The following PPP3R1 variants were observed in gnomAD, a reference collection of about 807,000 sequenced individuals.
The protein encoded by PPP3R1 is calcineurin subunit B type 1.
In PPP3R1, 5 loss-of-function variants were observed where a neutral mutation model predicts 22.6. The observed-to-expected ratio is 0.22, with a 90% confidence interval of 0.12 to 0.46. The LOEUF is 0.46. PPP3R1 is among the 20% of genes least tolerant of loss of function. The pLI is 0.99. For synonymous variants in PPP3R1, 56 were observed against 65.2 expected, an observed-to-expected ratio of 0.86 and a Z score of 0.68; for missense variants, 61 against 203.2, an observed-to-expected ratio of 0.30 and a Z score of 4.25.
At chr2:68,237,919 T>C (rs549065742) in intron 1 of PPP3R1, among the ~76,000 whole-genome samples, 1 of 152,140 alleles carries the variant, frequency 6.6e-6, no homozygotes, top group Non-Finnish European at 1.5e-5. Context: ...TTCATAAATT[T>C]TGAGTTTCCT....
At chr2:68,198,332 CATATATGTACATGTATATGCATAT>C in intron 2 of PPP3R1, among the ~76,000 whole-genome samples, 1 of 65,578 alleles carries the variant, frequency 1.5e-5, no homozygotes, top group South Asian at 5.2e-4. Flanking sequence ...TACATATGTA[CATATATGTACATGTATATGCATAT>C]ATATGTACAT....
chr2:68,181,079 T>TC, intron 5 of PPP3R1, 69 bp from the exon 6 acceptor site: 1 of 1,461,106 alleles, frequency 6.8e-7, no homozygotes, highest in South Asian at 1.2e-5. Context: ...TCTAACTACT[T>TC]CATCAAATTT....
chr2:68,196,867 G>T (rs1266003802), intron 2 of PPP3R1, among the ~76,000 whole-genome samples: 3 of 152,094 alleles, frequency 2.0e-5, no homozygotes, highest in Non-Finnish European at 2.9e-5. Flanking sequence ...TGAGATTACA[G>T]GCGTGCGCCA....
In PPP3R1 at chr2:68,190,017, T is replaced by A. The variant is rs114430833; in HGVS notation, c.44-1327A>T. Among the ~76,000 whole-genome samples the A allele has an allele frequency of 7.8e-3, 1,186 of 151,848 alleles. 18 individuals are homozygous for A. The highest frequency in any genetic ancestry group is 0.027 in the African/African-American group (1,125 of 41,474). The stretch of plus-strand genomic sequence containing the variant: ...ATACAAGCTGTTTTGACAGCTTAAA[T>A]ATATGGCATCCTCACTGTAAGAACT... On this transcript the variant is annotated intron_variant, in intron 2 of 5. Coordinates refer to ENST00000234310, the MANE Select transcript of PPP3R1 (RefSeq NM_000945.4).
In PPP3R1 at chr2:68,198,354, TATATATGTAC is replaced by T. The variant is rs1253856202; in HGVS notation, c.44-9674_44-9665del. ...GTACATATATGTACATGTATATGCA[TATATATGTAC>T]ATATATGTACATGTATATGCATATA... On this transcript the variant is annotated intron_variant, in intron 2 of 5. Transcript: ENST00000234310. 7.8e-4 allele frequency among the ~76,000 whole-genome samples: 43 copies of T among 54,838 alleles called. 1 individual carries two copies. Among genetic ancestry groups the T allele is most frequent in the East Asian group, 5.2e-3 (11 of 2,118 alleles). The allele number at this position is 54,838 out of a possible 152,430, so 36.0% of individuals were successfully genotyped here. A position where few individuals can be genotyped will look rare whatever the true frequency, so the allele number is the denominator to read the frequency against.
chr2:68,186,591 C>T lies in PPP3R1; in HGVS notation c.342G>A (p.Gln114=). Residue 114 remains glutamine, a synonymous_variant, in exon 5 of 6, where the codon CAG becomes CAA. Transcript: ENST00000234310. ...DGYISNGELF[Q]VLKMMVGNNL... ...TGTTCCCCACCATCATCTTCAATAC[C>T]TGGAAGAGTTCCCCATTGGAAATAT... The T allele has an allele frequency of 6.2e-7, 1 of 1,612,720 alleles. No homozygotes were observed. Among genetic ancestry groups the T allele is most frequent in the Non-Finnish European group, 8.5e-7 (1 of 1,178,894 alleles).
At chr2:68,207,459 T>C (rs1675153265) in intron 2 of PPP3R1, among the ~76,000 whole-genome samples, 1 of 152,166 alleles carries the variant, frequency 6.6e-6, no homozygotes, top group Admixed American at 6.5e-5. Flanking sequence ...TGAAATCTTA[T>C]TTCAAATGCT....
chr2:68,238,146 A>G (rs543730060), intron 1 of PPP3R1, among the ~76,000 whole-genome samples: 1 of 152,194 alleles, frequency 6.6e-6, no homozygotes, highest in South Asian at 2.1e-4. Flanking sequence ...GATGACTAAT[A>G]TAACTTAGCT....
At chr2:68,241,000 A>G (rs1670114059) in intron 1 of PPP3R1, among the ~76,000 whole-genome samples, 1 of 152,202 alleles carries the variant, frequency 6.6e-6, no homozygotes. Context: ...AGTTCCCGAC[A>G]AGGTCCAACA....
At chr2:68,249,206 C>T (rs1670291133) in intron 1 of PPP3R1, among the ~76,000 whole-genome samples, 1 of 152,154 alleles carries the variant, frequency 6.6e-6, no homozygotes. Context: ...ATACCTTGAA[C>T]CATTTTAATT....
chr2:68,192,991 A>C (rs1674697055), intron 2 of PPP3R1, among the ~76,000 whole-genome samples: 1 of 152,212 alleles, frequency 6.6e-6, no homozygotes, highest in African/African-American at 2.4e-5. Flanking sequence ...CTCTGATAAA[A>C]GAAAGGGGTT....
At chr2:68,213,987 A>C (rs1669531268) in intron 2 of PPP3R1, among the ~76,000 whole-genome samples, 1 of 152,164 alleles carries the variant, frequency 6.6e-6, no homozygotes, top group South Asian at 2.1e-4. Flanking sequence ...CAGAATAGAG[A>C]GCCCAGAAAT....
At chr2:68,231,983 G>T (rs1041884102) in intron 1 of PPP3R1, among the ~76,000 whole-genome samples, 1 of 151,112 alleles carries the variant, frequency 6.6e-6, no homozygotes, top group African/African-American at 2.4e-5. Flanking sequence ...ATTTAGGCTG[G>T]GCGCCGTGGC....
At chr2:68,239,001 A>G (rs1670069080) in intron 1 of PPP3R1, among the ~76,000 whole-genome samples, 1 of 151,338 alleles carries the variant, frequency 6.6e-6, no homozygotes, top group South Asian at 2.1e-4. Flanking sequence ...GCTGTGCTGA[A>G]TAATAAACAT....
chr2:68,233,982 T>G (rs540063810), intron 1 of PPP3R1, among the ~76,000 whole-genome samples: 1 of 152,214 alleles, frequency 6.6e-6, no homozygotes, highest in Non-Finnish European at 1.5e-5. Flanking sequence ...CTGAGCACTC[T>G]ATTAGAGACT....
intron 2 of PPP3R1, among the ~76,000 whole-genome samples, chr2:68,202,738 A>G (rs955490402): frequency 6.7e-6 from 1 of 149,110 alleles, no homozygotes; most frequent in Non-Finnish European, 1.5e-5. Flanking sequence ...CCTTTACTTG[A>G]GACTACTTGT....
chr2:68,229,042 G>A (rs748091815), intron 1 of PPP3R1, among the ~76,000 whole-genome samples: 6 of 152,046 alleles, frequency 3.9e-5, no homozygotes, highest in Non-Finnish European at 8.8e-5. Context: ...GGTTTTCTGA[G>A]ACAGGGTCTC....
In PPP3R1 at chr2:68,179,633, C is replaced by A. The variant is rs1263225498; in HGVS notation, c.*1330G>T. 1 of 152,114 alleles carries A rather than the reference C, an allele frequency of 6.6e-6. No individual in the cohort carries two copies. Among genetic ancestry groups the A allele is most frequent in the Admixed American group, 6.5e-5 (1 of 15,280 alleles). The allele number at this position is 152,114 out of a possible 1,614,324, so 9.4% of individuals were successfully genotyped here. ...AATGTTTTTCTTCCAGCTAACAGTA[C>A]CTTTGCAGAAATGGGAAGGGATAAG... On this transcript the variant is annotated 3_prime_UTR_variant, in exon 6 of 6. Coordinates refer to ENST00000234310, the MANE Select transcript of PPP3R1 (RefSeq NM_000945.4).
chr2:68,209,044 A>ATT (rs11445796), intron 2 of PPP3R1, among the ~76,000 whole-genome samples: 49 of 150,252 alleles, frequency 3.3e-4, no homozygotes, highest in Admixed American at 1.3e-3. Flanking sequence ...AGGTATCACC[A>ATT]TTTTTTTTTA....
Sources: gnomAD v4.1 joint callset for allele counts (sites outside exome capture counted in the v4.1 genomes callset) on GRCh38, gnomAD v4.1.1 for gene constraint, MANE v1.5 for transcripts, NCBI Gene and HGNC (gene_info 2026-07-23, HGNC 2026-07-21) for gene names.